Variants in RALYL observed in about 807,000 individuals in gnomAD.
RALYL encodes RALY RNA binding protein like.
In RALYL, 29 loss-of-function variants were observed where a neutral mutation model predicts 35.1. That is an observed-to-expected ratio of 0.83 (90% CI 0.61 to 1.13). The LOEUF is 1.13. Among genes scored for constraint, RALYL ranks in the 50% most tolerant of loss-of-function variants. The pLI, the probability that RALYL is intolerant of heterozygous loss-of-function variation, is 0.00. For missense variants in RALYL, 359 were observed against 360.4 expected (o/e 1.00, Z 0.03); for synonymous variants, 120 against 127.6 (o/e 0.94, Z 0.40).
At chr8:84,633,369 C>G (rs1020369152) in intron 2 of RALYL, among the ~76,000 whole-genome samples, 2 of 151,538 alleles carry the variant, frequency 1.3e-5, no homozygotes, top group Admixed American at 1.3e-4. Context: ...TACTTCCTTT[C>G]CCCCCTGACT....
chr8:84,409,250 TTATC>T (rs2043862447), intron 1 of RALYL, among the ~76,000 whole-genome samples: 2 of 152,236 alleles, frequency 1.3e-5, no homozygotes, highest in Admixed American at 1.3e-4. Flanking sequence ...ATATGTTAAT[TTATC>T]TATTATGTAT....
chr8:84,373,967 T>C (rs1856434523), intron 1 of RALYL, among the ~76,000 whole-genome samples: 1 of 151,978 alleles, frequency 6.6e-6, no homozygotes, highest in African/African-American at 2.4e-5. Context: ...CTTTTTGTGG[T>C]AATTTTGAAT....
chr8:84,471,548 A>C (rs1424148657), intron 1 of RALYL, among the ~76,000 whole-genome samples: 1 of 152,170 alleles, frequency 6.6e-6, no homozygotes, highest in Non-Finnish European at 1.5e-5. Flanking sequence ...TGACAGAGAA[A>C]GACTCTGTCT....
chr8:84,448,520 A>T (rs560310854), intron 1 of RALYL, among the ~76,000 whole-genome samples: 3 of 151,872 alleles, frequency 2.0e-5, no homozygotes, highest in Non-Finnish European at 4.4e-5. Context: ...GTGATGAAAA[A>T]CCTTCATACA....
At position 84,383,236 on chromosome 8, in the gene RALYL, T is replaced by C. The variant is rs79400480; in HGVS notation, c.-23-146063T>C. Among the ~76,000 whole-genome samples, 10 of 151,904 alleles carry C rather than the reference T, an allele frequency of 6.6e-5. No individual in the cohort carries two copies. The East Asian group carries it at 1.9e-3, about 30-fold the overall frequency. On this transcript the variant is annotated intron_variant, in intron 1 of 8. Coordinates refer to ENST00000521268, the MANE Select transcript of RALYL (RefSeq NM_173848.7). The stretch of plus-strand genomic sequence containing the variant: ...TAATACATGTGGATCACTTTCAGTG[T>C]AAAACATTGTCCTATTAATACTACT...
chr8:84,842,203 A>G (rs1478506841), intron 4 of RALYL, among the ~76,000 whole-genome samples: 1 of 152,200 alleles, frequency 6.6e-6, no homozygotes, highest in African/African-American at 2.4e-5. Flanking sequence ...AAGATCAACA[A>G]AATTGATAGA....
intron 1 of RALYL, among the ~76,000 whole-genome samples, chr8:84,432,074 TC>T (rs1238314255): frequency 6.6e-6 from 1 of 152,170 alleles, no homozygotes; most frequent in African/African-American, 2.4e-5. Flanking sequence ...CAATTCTACT[TC>T]TGGATATGTA....
intron 1 of RALYL, among the ~76,000 whole-genome samples, chr8:84,402,946 G>A (rs2043066333): frequency 6.6e-6 from 1 of 152,110 alleles, no homozygotes; most frequent in Non-Finnish European, 1.5e-5. Flanking sequence ...TCTTTTGGCT[G>A]CATAAATGTC....
At chr8:84,732,668 T>TTATA (rs1554553641) in intron 2 of RALYL, among the ~76,000 whole-genome samples, 3 of 132,494 alleles carry the variant, frequency 2.3e-5, no homozygotes, top group African/African-American at 3.2e-5. Context: ...TATTAAATAA[T>TTATA]TATATATATA....
intron 1 of RALYL, among the ~76,000 whole-genome samples, chr8:84,524,248 T>A (rs2058706134): frequency 6.6e-6 from 1 of 151,960 alleles, no homozygotes; most frequent in South Asian, 2.1e-4. Flanking sequence ...TCAAACAGAT[T>A]TACAAGAAAA....
At chr8:84,660,724 C>A (rs1830743958) in intron 2 of RALYL, among the ~76,000 whole-genome samples, 1 of 151,554 alleles carries the variant, frequency 6.6e-6, no homozygotes, top group Non-Finnish European at 1.5e-5. Flanking sequence ...ATATTGTTAT[C>A]AAAAAGCAAG....
chr8:84,625,177 T>C (rs1233475758), intron 2 of RALYL, among the ~76,000 whole-genome samples: 1 of 152,212 alleles, frequency 6.6e-6, no homozygotes, highest in Admixed American at 6.5e-5. Context: ...TCACAGTCCT[T>C]AATTGAACAT....
intron 1 of RALYL, among the ~76,000 whole-genome samples, chr8:84,438,006 T>C (rs2047927200): frequency 6.6e-6 from 1 of 152,176 alleles, no homozygotes; most frequent in Non-Finnish European, 1.5e-5. Context: ...CCTAATGCAA[T>C]TAGTGATGTT....
intron 1 of RALYL, among the ~76,000 whole-genome samples, chr8:84,454,292 T>C (rs1428617019): frequency 6.7e-6 from 1 of 149,344 alleles, no homozygotes; most frequent in Non-Finnish European, 1.5e-5. Context: ...TACTTAGATT[T>C]CTAGAAGCTC....
intron 1 of RALYL, among the ~76,000 whole-genome samples, chr8:84,198,442 A>G (rs1313710733): frequency 2.0e-5 from 3 of 152,162 alleles, no homozygotes; most frequent in African/African-American, 7.2e-5. Context: ...CAGGCCGGCA[A>G]TGCATAACAA....
At chr8:84,221,766 A>G (rs1490850712) in intron 1 of RALYL, among the ~76,000 whole-genome samples, 2 of 151,998 alleles carry the variant, frequency 1.3e-5, no homozygotes, top group Non-Finnish European at 1.5e-5. Context: ...AATATCTCTT[A>G]TGTTTCAGTA....
intron 4 of RALYL, among the ~76,000 whole-genome samples, chr8:84,844,877 C>G (rs1834270434): frequency 2.0e-5 from 3 of 151,838 alleles, no homozygotes; most frequent in Non-Finnish European, 4.4e-5. Flanking sequence ...GACAAAAAAC[C>G]AAACGCCACA....
At chr8:84,883,568 A>T (rs975875763) in intron 7 of RALYL, among the ~76,000 whole-genome samples, 2 of 151,916 alleles carry the variant, frequency 1.3e-5, no homozygotes, top group African/African-American at 4.8e-5. Context: ...TATTTACTAT[A>T]ATGGGGGAAA....
At chr8:84,666,961 A>T (rs1287467752) in intron 2 of RALYL, among the ~76,000 whole-genome samples, 1 of 152,124 alleles carries the variant, frequency 6.6e-6, no homozygotes, top group Non-Finnish European at 1.5e-5. Context: ...AGGAAAGACA[A>T]GTAAGTAATC....
Sources: allele counts gnomAD v4.1 joint callset (sites outside exome capture counted in the v4.1 genomes callset), GRCh38; gene constraint gnomAD v4.1.1; transcripts MANE v1.5; gene names NCBI Gene and HGNC (gene_info 2026-07-23, HGNC 2026-07-21).